The following PMS1 variants were observed in gnomAD, a reference collection of about 807,000 sequenced individuals.
PMS1 encodes the protein PMS1 protein homolog 1.
PMS1 carries 79 observed loss-of-function variants against 93.1 expected under a neutral mutation model. The observed-to-expected ratio is 0.85, with a 90% CI of 0.71 to 1.02. The LOEUF (loss-of-function observed/expected upper bound fraction) is 1.02, where lower values mean the gene tolerates loss of function less well. Among genes scored for constraint, PMS1 ranks in the 50% least tolerant of loss-of-function variants. PMS1 has a pLI of 0.00. For missense variants in PMS1, 1,064 were observed against 1,085.3 expected (o/e 0.98, Z 0.28); for synonymous variants, 335 against 363.4 (o/e 0.92, Z 0.89).
At chr2:189,845,233 G>C (rs547052187) in intron 6 of PMS1, among the ~76,000 whole-genome samples, 7 of 152,104 alleles carry the variant, frequency 4.6e-5, no homozygotes, top group Non-Finnish European at 1.5e-5. Context: ...TTGAAAACTT[G>C]TATGGACTAT....
rs571394164 is a variant in PMS1 at position 189,793,728 on chromosome 2, A to T, written c.132+1787A>T. Among the ~76,000 whole-genome samples the T allele has an allele frequency of 2.0e-4, 31 of 152,338 alleles. No individual in the cohort carries two copies. In the South Asian group the frequency reaches 6.4e-3, roughly 32 times the overall value. ...CTGTATAAACTAAGTTAAATATTTT[A>T]ATCTGGCTGTAAATTTTAGTCTCTT... On this transcript the variant is annotated intron_variant, in intron 2 of 12. Coordinates refer to ENST00000441310, the MANE Select transcript of PMS1 (RefSeq NM_000534.5).
intron 3 of PMS1, among the ~76,000 whole-genome samples, chr2:189,797,818 C>T (rs2049495409): frequency 6.6e-6 from 1 of 152,112 alleles, no homozygotes; most frequent in African/African-American, 2.4e-5. Flanking sequence ...CTTCCCTCAG[C>T]CCTTCTGTTT....
intron 12 of PMS1, 60 bp downstream of exon 12, chr2:189,873,716 C>A: frequency 7.9e-7 from 1 of 1,271,696 alleles, no homozygotes; most frequent in East Asian, 2.4e-5. Context: ...CGGGCCAAGC[C>A]GGTTAGGAAC....
chr2:189,808,584 GC>G (rs948253656), intron 4 of PMS1, among the ~76,000 whole-genome samples: 1 of 152,138 alleles, frequency 6.6e-6, no homozygotes, highest in African/African-American at 2.4e-5. Flanking sequence ...GCCCTCCTCA[GC>G]CCCGCAAAGT....
chr2:189,863,492 G>A (rs1223935572), intron 9 of PMS1, among the ~76,000 whole-genome samples: 1 of 152,126 alleles, frequency 6.6e-6, no homozygotes, highest in African/African-American at 2.4e-5. Flanking sequence ...GACCTCAGGT[G>A]ATCTGCCAAC....
At chr2:189,803,968 A>G (rs140973575) in intron 3 of PMS1, among the ~76,000 whole-genome samples, 95 of 152,336 alleles carry the variant, frequency 6.2e-4, no homozygotes, top group African/African-American at 2.3e-3. Context: ...TTCTTCGTCT[A>G]GACTGGAGTA....
intron 4 of PMS1, among the ~76,000 whole-genome samples, chr2:189,816,385 A>G (rs2051303731): frequency 1.3e-5 from 2 of 152,152 alleles, no homozygotes; most frequent in Admixed American, 6.5e-5. Flanking sequence ...TTTGTCTTCT[A>G]GTGTTATAGG....
intron 5 of PMS1, among the ~76,000 whole-genome samples, chr2:189,833,179 A>G (rs969105236): frequency 6.6e-6 from 1 of 152,244 alleles, no homozygotes; most frequent in Non-Finnish European, 1.5e-5. Flanking sequence ...TTCTCATAGA[A>G]TAGTGTTGAC....
intron 4 of PMS1, among the ~76,000 whole-genome samples, chr2:189,809,111 G>T (rs1365045945): frequency 6.6e-6 from 1 of 152,158 alleles, no homozygotes; most frequent in Non-Finnish European, 1.5e-5. Context: ...AATTCCTACG[G>T]TGTGTGATTG....
chr2:189,861,506 T>C (rs1210313334), intron 9 of PMS1, among the ~76,000 whole-genome samples: 2 of 152,044 alleles, frequency 1.3e-5, no homozygotes, highest in Non-Finnish European at 2.9e-5. Context: ...TCCCAGCACT[T>C]TGGGAGGCCA....
At chr2:189,789,429 A>G (rs1031883161) in intron 1 of PMS1, among the ~76,000 whole-genome samples, 1 of 152,154 alleles carries the variant, frequency 6.6e-6, no homozygotes, top group Non-Finnish European at 1.5e-5. Context: ...CCTATTTTAT[A>G]GGCTCTGGTC....
chr2:189,841,485 G>A (rs1477933479), intron 5 of PMS1, among the ~76,000 whole-genome samples: 1 of 152,202 alleles, frequency 6.6e-6, no homozygotes, highest in Non-Finnish European at 1.5e-5. Context: ...AGATCAGCAA[G>A]CAGAGTCATT....
At chr2:189,810,947 C>A (rs1376782375) in intron 4 of PMS1, among the ~76,000 whole-genome samples, 2 of 148,678 alleles carry the variant, frequency 1.3e-5, no homozygotes. Flanking sequence ...TGTAAATAAA[C>A]TCATCAATAA....
intron 9 of PMS1, among the ~76,000 whole-genome samples, chr2:189,862,199 A>G (rs925600362): frequency 6.6e-6 from 1 of 152,120 alleles, no homozygotes; most frequent in Non-Finnish European, 1.5e-5. Flanking sequence ...AACACATTTT[A>G]TCATTTCTAT....
intron 12 of PMS1, 88 bp from the exon 13 acceptor site, chr2:189,877,183 TC>T (rs1397034032): frequency 9.7e-7 from 1 of 1,032,086 alleles, no homozygotes; most frequent in African/African-American, 1.6e-5. Context: ...ATGAAAATAA[TC>T]AAGATTCTGT....
At chr2:189,836,872 T>C (rs1332424371) in intron 5 of PMS1, among the ~76,000 whole-genome samples, 2 of 152,242 alleles carry the variant, frequency 1.3e-5, no homozygotes, top group African/African-American at 2.4e-5. Flanking sequence ...CCTGAAGTGA[T>C]CTTTTTACGG....
chr2:189,875,032 A>T (rs1295224537), intron 12 of PMS1, among the ~76,000 whole-genome samples: 3 of 150,916 alleles, frequency 2.0e-5, no homozygotes, highest in African/African-American at 7.3e-5. Flanking sequence ...ATGGGCTAGG[A>T]AAAAAAAAGA....
At position 189,795,820 on chromosome 2, in the gene PMS1, A is replaced by G. The variant is rs2049306445; in HGVS notation, c.184A>G (p.Lys62Glu). Residue 62 changes from lysine (K) to glutamate (E), a missense_variant, in exon 3 of 13, where the codon AAG becomes GAG. Lys to Glu is a moderately conservative substitution (Grantham distance 56). Coordinates refer to ENST00000441310, the MANE Select transcript of PMS1 (RefSeq NM_000534.5). ...IEVRDNGEGI[K>E]AVDAPVMAMK... is the part of the protein sequence containing the mutation. Reference sequence around the variant, plus strand: ...GGTGCGAGATAACGGGGAGGGTATCAAGGCTGTTGATGCACCTGTAATGGC... The same window carrying G: ...GGTGCGAGATAACGGGGAGGGTATCGAGGCTGTTGATGCACCTGTAATGGC... 2 of 1,613,568 alleles carry G rather than the reference A, an allele frequency of 1.2e-6. No individual in the cohort carries two copies. The highest frequency in any genetic ancestry group is 3.3e-5 in the Admixed American group (2 of 60,006).
chr2:189,831,624 A>G (rs2052942142), intron 5 of PMS1, among the ~76,000 whole-genome samples: 1 of 152,192 alleles, frequency 6.6e-6, no homozygotes, highest in African/African-American at 2.4e-5. Context: ...TATTACCTTC[A>G]TGAATTACAC....
Sources: allele counts gnomAD v4.1 joint callset (sites outside exome capture counted in the v4.1 genomes callset), GRCh38; gene constraint gnomAD v4.1.1; transcripts MANE v1.5; gene names NCBI Gene and HGNC (gene_info 2026-07-23, HGNC 2026-07-21).